Variants in ADAMTS3 observed in about 807,000 individuals in gnomAD.
The protein encoded by ADAMTS3 is ADAM metallopeptidase with thrombospondin type 1 motif 3.
Under a neutral mutation model 129.0 loss-of-function variants are expected in ADAMTS3, and 73 were observed. That is an observed-to-expected ratio of 0.57 (90% CI 0.47 to 0.69). The LOEUF is 0.69. Ranked by LOEUF, ADAMTS3 falls within the 30% of genes least tolerant of loss-of-function variation. The pLI is 0.00. For missense variants in ADAMTS3, 1,457 were observed against 1,514.5 expected (o/e 0.96, Z 0.63); for synonymous variants, 477 against 510.8 (o/e 0.93, Z 0.89).
chr4:72,513,824 A>G (rs788936), intron 3 of ADAMTS3, among the ~76,000 whole-genome samples: 9,874 of 151,982 alleles, frequency 0.065, 1,127 homozygotes, highest in African/African-American at 0.23. Flanking sequence ...TAATTTTTAA[A>G]CCCTCACTCC....
intron 3 of ADAMTS3, among the ~76,000 whole-genome samples, chr4:72,488,504 A>T (rs1268936921): frequency 6.6e-6 from 1 of 151,894 alleles, no homozygotes; most frequent in Non-Finnish European, 1.5e-5. Context: ...GCCTGAGATG[A>T]TCCATTGCTC....
intron 5 of ADAMTS3, among the ~76,000 whole-genome samples, chr4:72,327,833 C>T (rs1719737741): frequency 6.6e-6 from 1 of 152,112 alleles, no homozygotes; most frequent in South Asian, 2.1e-4. Flanking sequence ...TTTTCATAAT[C>T]TTCTTTAGGT....
chr4:72,306,752 T>C (rs1719099519), intron 15 of ADAMTS3, among the ~76,000 whole-genome samples: 1 of 151,970 alleles, frequency 6.6e-6, no homozygotes, highest in Admixed American at 6.6e-5. Flanking sequence ...ATATGCACCC[T>C]AACCTCAAAA....
intron 4 of ADAMTS3, among the ~76,000 whole-genome samples, chr4:72,375,719 T>C (rs1721118141): frequency 6.6e-6 from 1 of 151,862 alleles, no homozygotes. Flanking sequence ...AAATCATCAA[T>C]CAAAAGGAAG....
chr4:72,359,747 CTGAT>C (rs1357810817), intron 4 of ADAMTS3, among the ~76,000 whole-genome samples: 1 of 152,010 alleles, frequency 6.6e-6, no homozygotes, highest in Non-Finnish European at 1.5e-5. Flanking sequence ...TGAATACACA[CTGAT>C]TATTAGTAAT....
chr4:72,287,222 T>C (rs1329608403), intron 21 of ADAMTS3, among the ~76,000 whole-genome samples: 1 of 151,906 alleles, frequency 6.6e-6, no homozygotes, highest in Non-Finnish European at 1.5e-5. Flanking sequence ...GCTGATGCCT[T>C]GATCATGGGC....
At chr4:72,505,341 C>G (rs1720133015) in intron 3 of ADAMTS3, among the ~76,000 whole-genome samples, 1 of 152,058 alleles carries the variant, frequency 6.6e-6, no homozygotes, top group South Asian at 2.1e-4. Context: ...TGTCTTTGAC[C>G]CTATAGCACT....
At chr4:72,357,495 TTAAG>T (rs1331518471) in intron 4 of ADAMTS3, among the ~76,000 whole-genome samples, 3 of 151,880 alleles carry the variant, frequency 2.0e-5, no homozygotes, top group African/African-American at 7.2e-5. Flanking sequence ...AGATATAATG[TTAAG>T]TAAGAGCAGC....
At position 72,530,758 on chromosome 4, in the gene ADAMTS3, A is replaced by G. The variant is rs1183977005; in HGVS notation, c.504+17720T>C. ...ATATTATATATATTATATATTATATATTATATAGATTATATATATTATATT... is the reference window on the plus strand; with the variant it reads ...ATATTATATATATTATATATTATATGTTATATAGATTATATATATTATATT... On this transcript the variant is annotated intron_variant, in intron 3 of 21. Transcript: ENST00000286657. 5.6e-3 allele frequency among the ~76,000 whole-genome samples: 23 copies of G among 4,090 alleles called. 1 individual carries two copies. Among genetic ancestry groups the G allele is most frequent in the Non-Finnish European group, 0.01 (23 of 2,240 alleles). The allele number at this position is 4,090 out of a possible 152,430, so 2.7% of individuals were successfully genotyped here. A position where few individuals can be genotyped will look rare whatever the true frequency, so the allele number is the denominator to read the frequency against.
At chr4:72,335,251 T>C (rs1365360343) in intron 5 of ADAMTS3, among the ~76,000 whole-genome samples, 2 of 152,156 alleles carry the variant, frequency 1.3e-5, no homozygotes, top group East Asian at 1.9e-4. Context: ...CTCTGATAAG[T>C]ACTTTACATA....
At position 72,344,940 on chromosome 4, in the gene ADAMTS3, T is replaced by C. The variant is rs535437802; in HGVS notation, c.662-5247A>G. On this transcript the variant is annotated intron_variant, in intron 4 of 21. Transcript: ENST00000286657. ...TTAGGTCACCCATCTAATGAGTTTT[T>C]TCTTGTATGCCACTGAATCTAGTCC... Among the ~76,000 whole-genome samples, 5 of 152,274 alleles carry C rather than the reference T, an allele frequency of 3.3e-5. No homozygotes were observed. In the East Asian group the frequency reaches 9.7e-4, roughly 29 times the overall value.
chr4:72,340,964 A>G (rs1377830847), intron 4 of ADAMTS3, among the ~76,000 whole-genome samples: 1 of 152,152 alleles, frequency 6.6e-6, no homozygotes, highest in African/African-American at 2.4e-5. Flanking sequence ...GTTTGACAGA[A>G]CCAGCTCTGA....
intron 3 of ADAMTS3, among the ~76,000 whole-genome samples, chr4:72,450,256 C>T (rs1192666332): frequency 6.6e-6 from 1 of 151,614 alleles, no homozygotes; most frequent in Non-Finnish European, 1.5e-5. Flanking sequence ...TGCTTGAAAC[C>T]ACATTTTTTT....
At chr4:72,518,451 A>G (rs1207485687) in intron 3 of ADAMTS3, among the ~76,000 whole-genome samples, 2 of 152,092 alleles carry the variant, frequency 1.3e-5, no homozygotes, top group African/African-American at 4.8e-5. Flanking sequence ...AAAGTCTCCC[A>G]TTTTTATTGT....
At chr4:72,356,993 A>G (rs1720596842) in intron 4 of ADAMTS3, among the ~76,000 whole-genome samples, 1 of 151,958 alleles carries the variant, frequency 6.6e-6, no homozygotes, top group African/African-American at 2.4e-5. Flanking sequence ...TTAGACATGT[A>G]CTTAATAAAA....
At position 72,568,944 on chromosome 4, in the gene ADAMTS3, C is replaced by T; in HGVS notation, c.-182G>A. ...GAAATTTGAGCTCTGAGACTGGCCCCCTCTGCTCTGCAGTTTTTTCCACTT... is the reference window on the plus strand; with the variant it reads ...GAAATTTGAGCTCTGAGACTGGCCCTCTCTGCTCTGCAGTTTTTTCCACTT... On this transcript the variant is annotated 5_prime_UTR_variant, in exon 1 of 22. Coordinates refer to ENST00000286657, the MANE Select transcript of ADAMTS3 (RefSeq NM_014243.3). 1 of 623,436 alleles carries T rather than the reference C, an allele frequency of 1.6e-6. No homozygotes were observed. The highest frequency in any genetic ancestry group is 2.9e-6 in the Non-Finnish European group (1 of 347,818). 38.6% of individuals were successfully genotyped at this position (623,436 alleles called of 1,614,324 possible). A position where few individuals can be genotyped will look rare whatever the true frequency, so the allele number is the denominator to read the frequency against.
At position 72,367,715 on chromosome 4, in the gene ADAMTS3, C is replaced by G. The variant is rs142075577; in HGVS notation, c.662-28022G>C. ...AACACAAAAGATTAGCCGGGCGTGG[C>G]GGCAGGCGCCTGTAGTCCCAGCTAC... On this transcript the variant is annotated intron_variant, in intron 4 of 21. Transcript: ENST00000286657. Among the ~76,000 whole-genome samples the G allele has an allele frequency of 1.4e-4, 21 of 151,994 alleles. 1 individual carries two copies. The highest frequency in any genetic ancestry group is 4.3e-4 in the African/African-American group (18 of 41,478).
chr4:72,285,325 T>C (rs1249528700), intron 21 of ADAMTS3, among the ~76,000 whole-genome samples: 1 of 152,196 alleles, frequency 6.6e-6, no homozygotes, highest in African/African-American at 2.4e-5. Context: ...AATTATGTTA[T>C]GAATGAGCAT....
chr4:72,288,963 CACACAA>C, intron 20 of ADAMTS3, 95 bp from the exon 21 acceptor site: 6 of 716,954 alleles, frequency 8.4e-6, no homozygotes, highest in African/African-American at 3.6e-5. Context: ...CACACACACA[CACACAA>C]AGACACAGAG....
Sources: allele counts gnomAD v4.1 joint callset (sites outside exome capture counted in the v4.1 genomes callset), GRCh38; gene constraint gnomAD v4.1.1; transcripts MANE v1.5; gene names NCBI Gene and HGNC (gene_info 2026-07-23, HGNC 2026-07-21).